The following PLXNC1 variants were observed in gnomAD, a reference collection of about 807,000 sequenced individuals.
PLXNC1 encodes the protein plexin-C1.
Under a neutral mutation model 178.2 loss-of-function variants are expected in PLXNC1, and 75 were observed. The observed-to-expected ratio is 0.42, with a 90% CI of 0.35 to 0.51. The LOEUF (loss-of-function observed/expected upper bound fraction) is 0.51. Among genes scored for constraint, PLXNC1 ranks in the 20% least tolerant of loss-of-function variants. The pLI is 0.02. For missense variants in PLXNC1, 1,503 were observed against 1,984.4 expected (o/e 0.76, Z 4.61); for synonymous variants, 790 against 779.9 (o/e 1.01, Z -0.22).
In PLXNC1 at chr12:94,259,612, C is replaced by A; in HGVS notation, c.3129C>A (p.Asn1043Lys). Residue 1043 changes from asparagine (N) to lysine (K), a missense_variant and splice_region_variant, in exon 19 of 31, where the codon AAC (asparagine) becomes AAA (lysine). Physicochemically the swap from Asn to Lys is moderately conservative, Grantham distance 94. Transcript: ENST00000258526. ...ATATATTTTTTTCTTTTTATCAGAA[C>A]AGAGACGCCAACGACAAGAATGAAA... Reference protein sequence around the residue: ...FTHIFTEDMHNRDANDKNESL... With the variant: ...FTHIFTEDMHKRDANDKNESL... The A allele has an allele frequency of 6.2e-7, 1 of 1,600,498 alleles. No individual in the cohort carries two copies. Among genetic ancestry groups the A allele is most frequent in the Non-Finnish European group, 8.5e-7 (1 of 1,173,222 alleles).
chr12:94,161,937 C>T (rs1019820550), intron 1 of PLXNC1, among the ~76,000 whole-genome samples: 3 of 152,140 alleles, frequency 2.0e-5, no homozygotes, highest in South Asian at 2.1e-4. Flanking sequence ...CAAACATTGA[C>T]CCATGTATTT....
intron 9 of PLXNC1, among the ~76,000 whole-genome samples, chr12:94,233,199 C>T (rs753072949): frequency 5.9e-5 from 9 of 152,260 alleles, no homozygotes; most frequent in African/African-American, 9.6e-5. Context: ...GACCCAGACA[C>T]GGCTGGGCAT....
At chr12:94,277,679 G>A in intron 21 of PLXNC1, 1 of 331,850 alleles carries the variant, frequency 3.0e-6, no homozygotes, top group Non-Finnish European at 5.9e-6. Context: ...CAGAGATACT[G>A]AGCATGGAGT....
At chr12:94,205,336 T>A (rs1963267218) in intron 4 of PLXNC1, among the ~76,000 whole-genome samples, 1 of 152,186 alleles carries the variant, frequency 6.6e-6, no homozygotes, top group Admixed American at 6.5e-5. Flanking sequence ...GTTCCCACAC[T>A]ACCAGCTGAG....
At chr12:94,206,925 C>G (rs576674632) in intron 4 of PLXNC1, among the ~76,000 whole-genome samples, 1 of 151,926 alleles carries the variant, frequency 6.6e-6, no homozygotes, top group African/African-American at 2.4e-5. Context: ...TGCACTTGAC[C>G]GTTGCTCTTG....
intron 21 of PLXNC1, among the ~76,000 whole-genome samples, chr12:94,266,710 A>G (rs1250321693): frequency 6.6e-6 from 1 of 152,214 alleles, no homozygotes; most frequent in African/African-American, 2.4e-5. Flanking sequence ...CATTCTCCTC[A>G]CATGTGAAAT....
intron 4 of PLXNC1, among the ~76,000 whole-genome samples, chr12:94,206,948 A>G (rs1963319335): frequency 6.6e-6 from 1 of 152,210 alleles, no homozygotes; most frequent in South Asian, 2.1e-4. Flanking sequence ...GATACGCAGG[A>G]ATTAGAGTGA....
chr12:94,258,554 T>G (rs1285780316), intron 17 of PLXNC1, among the ~76,000 whole-genome samples: 3 of 152,260 alleles, frequency 2.0e-5, no homozygotes, highest in African/African-American at 7.2e-5. Context: ...CCATTGATTT[T>G]TAATAAGATT....
intron 30 of PLXNC1, among the ~76,000 whole-genome samples, 188 bp from the exon 31 acceptor site, chr12:94,304,992 GC>G (rs2136241408): frequency 6.6e-6 from 1 of 152,340 alleles, no homozygotes; most frequent in African/African-American, 2.4e-5. Flanking sequence ...TCTATTTTAA[GC>G]CAAGGTATTG....
intron 4 of PLXNC1, among the ~76,000 whole-genome samples, chr12:94,202,569 A>T (rs1318011105): frequency 6.6e-6 from 1 of 152,250 alleles, no homozygotes; most frequent in African/African-American, 2.4e-5. Context: ...AGCAAACATC[A>T]TAGAGGAAGA....
intron 23 of PLXNC1, among the ~76,000 whole-genome samples, chr12:94,293,404 G>C (rs1475936038): frequency 6.6e-6 from 1 of 152,210 alleles, no homozygotes; most frequent in Admixed American, 6.5e-5. Context: ...TCTTAATAGA[G>C]TAGTGTCATA....
chr12:94,246,278 C>T (rs1015493806), intron 12 of PLXNC1, among the ~76,000 whole-genome samples: 1 of 152,214 alleles, frequency 6.6e-6, no homozygotes, highest in Non-Finnish European at 1.5e-5. Context: ...CATGCCAGTG[C>T]AGGTGTGTCT....
At chr12:94,198,866 G>A (rs567780060) in intron 4 of PLXNC1, among the ~76,000 whole-genome samples, 23 of 152,206 alleles carry the variant, frequency 1.5e-4, no homozygotes, top group African/African-American at 5.3e-4. Context: ...TCATCTCGAC[G>A]TCCTTAACTC....
chr12:94,216,039 C>A (rs1963636536), intron 5 of PLXNC1, among the ~76,000 whole-genome samples: 1 of 152,064 alleles, frequency 6.6e-6, no homozygotes, highest in Admixed American at 6.6e-5. Context: ...CTGAGGCGGG[C>A]AGATCACCTG....
At chr12:94,177,129 G>GTGTA (rs374905966) in intron 2 of PLXNC1, among the ~76,000 whole-genome samples, 1,564 of 82,806 alleles carry the variant, frequency 0.019, 26 homozygotes, top group South Asian at 0.036. Context: ...GTGTGTGTGT[G>GTGTA]TATATATATG....
chr12:94,241,739 C>T (rs892263219), intron 11 of PLXNC1, among the ~76,000 whole-genome samples: 12 of 152,010 alleles, frequency 7.9e-5, no homozygotes, highest in Non-Finnish European at 1.6e-4. Flanking sequence ...GTATAGGTAC[C>T]ACATTTTCTT....
Position 94,260,543 on chromosome 12 carries a change from G to T in PLXNC1, c.3252-99G>T. 1 of 746,600 alleles carries T rather than the reference G, an allele frequency of 1.3e-6. No individual in the cohort carries two copies. The highest frequency in any genetic ancestry group is 2.2e-6 in the Non-Finnish European group (1 of 453,124). 46.2% of individuals were successfully genotyped at this position (746,600 alleles called of 1,614,324 possible). A position where few individuals can be genotyped will look rare whatever the true frequency, so the allele number is the denominator to read the frequency against. On this transcript the variant is annotated intron_variant, in intron 19 of 30. Coordinates refer to ENST00000258526, the MANE Select transcript of PLXNC1 (RefSeq NM_005761.3). This position sits in a 1 kb window ranked among gnomAD's most constrained non-coding sequence, Gnocchi z 4.4. ...AAAAAAAAAAGCTCCCAACCCAACAGGCCAGCTCCCTGCCCTGCCAGTGAG... is the reference window on the plus strand; with the variant it reads ...AAAAAAAAAAGCTCCCAACCCAACATGCCAGCTCCCTGCCCTGCCAGTGAG...
At chr12:94,184,935 G>T (rs557685975) in intron 3 of PLXNC1, among the ~76,000 whole-genome samples, 1 of 152,278 alleles carries the variant, frequency 6.6e-6, no homozygotes, top group South Asian at 2.1e-4. Flanking sequence ...TGCTTTTTCA[G>T]TCTGAGGTTT....
Position 94,259,516 on chromosome 12 carries a change from T to G in PLXNC1, c.3127-94T>G. ...GATCATGAATTCAATATTGAATAAT[T>G]CATTGTCTTGGAAAACCCATTGTGG... On this transcript the variant is annotated intron_variant, in intron 18 of 30. Coordinates refer to ENST00000258526, the MANE Select transcript of PLXNC1 (RefSeq NM_005761.3). The G allele has an allele frequency of 1.0e-5, 12 of 1,167,692 alleles. No homozygotes were observed. In the South Asian group the frequency reaches 1.9e-4, roughly 19 times the overall value. 72.3% of individuals were successfully genotyped at this position (1,167,692 alleles called of 1,614,324 possible).
Sources: gnomAD v4.1 joint callset for allele counts (sites outside exome capture counted in the v4.1 genomes callset) on GRCh38, gnomAD v4.1.1 for gene constraint, Gnocchi (gnomAD v3.1) non-coding constraint, MANE v1.5 for transcripts, NCBI Gene and HGNC (gene_info 2026-07-23, HGNC 2026-07-21) for gene names.